SMPD3: variants seen among roughly 807,000 people sequenced by gnomAD.
The protein encoded by SMPD3 is sphingomyelin phosphodiesterase 3.
Under a neutral mutation model 55.7 loss-of-function variants are expected in SMPD3, and 21 were observed. That is an observed-to-expected ratio of 0.38 (90% confidence interval 0.27 to 0.54). The LOEUF is 0.54. SMPD3 is among the 20% of genes least tolerant of loss of function. The pLI, the probability that SMPD3 is intolerant of heterozygous loss-of-function variation, is 0.80. For missense variants in SMPD3, 842 were observed against 899.6 expected, an observed-to-expected ratio of 0.94 and a Z score of 0.82; for synonymous variants, 457 against 404.3, an observed-to-expected ratio of 1.13 and a Z score of -1.56.
At chr16:68,362,415 A>C (rs2089328624) in intron 7 of SMPD3, among the ~76,000 whole-genome samples, 1 of 152,148 alleles carries the variant, frequency 6.6e-6, no homozygotes. Flanking sequence ...GACATCTGGA[A>C]TCCCTTTCTG....
At chr16:68,435,314 A>T (rs931432030) in intron 1 of SMPD3, among the ~76,000 whole-genome samples, 5 of 152,154 alleles carry the variant, frequency 3.3e-5, no homozygotes, top group Non-Finnish European at 5.9e-5. Flanking sequence ...AAACTGTTTT[A>T]AAAAATCCTT....
intron 1 of SMPD3, among the ~76,000 whole-genome samples, chr16:68,397,579 C>G (rs536987557): frequency 1.3e-5 from 2 of 152,318 alleles, no homozygotes; most frequent in Admixed American, 1.3e-4. Context: ...GCTGAGAACT[C>G]TTTCATGGCC....
At position 68,371,480 on chromosome 16, in the gene SMPD3, G is replaced by A. The variant is rs1453882136; in HGVS notation, c.702C>T (p.Val234=). The A allele has an allele frequency of 7.5e-6, 12 of 1,598,352 alleles. No homozygotes were observed. Among genetic ancestry groups the A allele is most frequent in the Admixed American group, 1.7e-5 (1 of 59,722 alleles). ...AGGCATCCTCCGGGCTGCTGCTGTC[G>A]ACAGGGTCCCCAGAGGCTGGGCCGT... ...AANGPASGDP[V]DSSSPEDACI... The change falls in exon 3 of 9, where the codon GTC becomes GTT. Residue 234 remains valine, a synonymous_variant. Coordinates refer to ENST00000219334, the MANE Select transcript of SMPD3 (RefSeq NM_018667.4).
chr16:68,417,846 G>C (rs988257029), intron 1 of SMPD3, among the ~76,000 whole-genome samples: 12 of 152,300 alleles, frequency 7.9e-5, no homozygotes, highest in African/African-American at 2.6e-4. Context: ...TACAGCCATG[G>C]GGGTGTGGTG....
intron 1 of SMPD3, among the ~76,000 whole-genome samples, chr16:68,418,237 T>C (rs1159372577): frequency 2.0e-5 from 3 of 151,848 alleles, no homozygotes; most frequent in Admixed American, 6.6e-5. Context: ...CAGCAGAAGG[T>C]CCCGTGTAGA....
intron 1 of SMPD3, among the ~76,000 whole-genome samples, chr16:68,429,139 G>A (rs1192119339): frequency 6.6e-6 from 1 of 152,228 alleles, no homozygotes; most frequent in East Asian, 1.9e-4. Flanking sequence ...CCTGAGATGG[G>A]GTGCATGGAA....
Position 68,361,722 on chromosome 16 carries a change from C to A in SMPD3, c.1747G>T (p.Ala583Ser). Residue 583 changes from alanine (A) to serine (S), a missense_variant, in exon 8 of 9, where the codon GCG (alanine) becomes TCG (serine). Transcript: ENST00000219334. ...ESEEGRREYL[A>S]FPTSKSSGQK... ...CCCGAGCTCTTGCTGGTGGGAAACGCCAGGTACTCCCTGCGGCCCTCCTCA... is the reference window on the plus strand; with the variant it reads ...CCCGAGCTCTTGCTGGTGGGAAACGACAGGTACTCCCTGCGGCCCTCCTCA... 6.2e-7 allele frequency: 1 copy of A among 1,613,090 alleles called. No individual in the cohort carries two copies. Among genetic ancestry groups the A allele is most frequent in the Non-Finnish European group, 8.5e-7 (1 of 1,179,960 alleles).
intron 1 of SMPD3, among the ~76,000 whole-genome samples, chr16:68,412,248 C>T (rs561359127): frequency 2.8e-4 from 42 of 152,332 alleles, no homozygotes; most frequent in Non-Finnish European, 5.1e-4. Context: ...TCAAGGTACG[C>T]CCACAGCAGC....
chr16:68,358,746 A>T lies in SMPD3; in HGVS notation c.*2460T>A, dbSNP rs975770293. The T allele has an allele frequency of 2.0e-5, 3 of 152,456 alleles. No homozygotes were observed. Among genetic ancestry groups the T allele is most frequent in the African/African-American group, 7.2e-5 (3 of 41,440 alleles). 9.4% of individuals were successfully genotyped at this position (152,456 alleles called of 1,614,324 possible). On this transcript the variant is annotated 3_prime_UTR_variant, in exon 9 of 9. Coordinates refer to ENST00000219334, the MANE Select transcript of SMPD3 (RefSeq NM_018667.4). ...GAGACTGGGCCTAGGGCAGGAACAG[A>T]GTCTTGGTATGGGCCTCGGGTGACC...
At chr16:68,375,971 C>T (rs772815577) in intron 2 of SMPD3, among the ~76,000 whole-genome samples, 1 of 152,250 alleles carries the variant, frequency 6.6e-6, no homozygotes, top group Non-Finnish European at 1.5e-5. Context: ...GCCCCCTGCC[C>T]TGCTCCTGTG....
Position 68,371,981 on chromosome 16 carries a change from G to A in SMPD3, c.201C>T (p.Tyr67=), listed in dbSNP as rs1408096203. 6.2e-7 allele frequency: 1 copy of A among 1,612,314 alleles called. No individual in the cohort carries two copies. Among genetic ancestry groups the A allele is most frequent in the Admixed American group, 1.7e-5 (1 of 59,834 alleles). The change falls in exon 3 of 9, where the codon TAC becomes TAT. Residue 67 remains tyrosine (Y), a synonymous_variant. Transcript: ENST00000219334. ...LLCTALFTPI[Y]LALLVASLPF... ...GCAGCGAGGCCACCAGGAGGGCCAG[G>A]TAGATGGGCGTGAAGAGGGCAGTGC...
chr16:68,414,851 T>C (rs577269446), intron 1 of SMPD3, among the ~76,000 whole-genome samples: 1 of 152,278 alleles, frequency 6.6e-6, no homozygotes, highest in South Asian at 2.1e-4. Context: ...AGGGACATGG[T>C]GACAGAAGGC....
chr16:68,364,556 T>A, intron 5 of SMPD3, 195 bp downstream of exon 5: 1 of 652,126 alleles, frequency 1.5e-6, no homozygotes, highest in Non-Finnish European at 2.5e-6. Flanking sequence ...TGTCTCCAGC[T>A]TTCTAGGCAG....
At chr16:68,363,592 GC>G in intron 6 of SMPD3, 33 bp from the exon 7 acceptor site, 1 of 1,602,966 alleles carries the variant, frequency 6.2e-7, no homozygotes, top group Non-Finnish European at 8.5e-7. Context: ...AGTGGTCGCT[GC>G]AGGCAGGGCC....
chr16:68,378,046 C>T (rs2089863122), intron 2 of SMPD3, among the ~76,000 whole-genome samples: 1 of 152,222 alleles, frequency 6.6e-6, no homozygotes, highest in Admixed American at 6.5e-5. Context: ...GGCTCATGTG[C>T]TTGCTGACAC....
chr16:68,406,109 A>G (rs1445843465), intron 1 of SMPD3, among the ~76,000 whole-genome samples: 1 of 152,180 alleles, frequency 6.6e-6, no homozygotes, highest in Non-Finnish European at 1.5e-5. Flanking sequence ...CCAGTCTGCC[A>G]GTCTTTCCCG....
chr16:68,417,294 C>T (rs925387644), intron 1 of SMPD3, among the ~76,000 whole-genome samples: 2 of 152,168 alleles, frequency 1.3e-5, no homozygotes, highest in African/African-American at 4.8e-5. Flanking sequence ...CTGCCTTCTT[C>T]ACTTCCCTGA....
At chr16:68,417,338 C>A (rs183131218) in intron 1 of SMPD3, among the ~76,000 whole-genome samples, 1 of 152,104 alleles carries the variant, frequency 6.6e-6, no homozygotes, top group Non-Finnish European at 1.5e-5. Context: ...CTCAGGGAAC[C>A]CAGGCTATGA....
At chr16:68,375,666 C>G (rs1478778770) in intron 2 of SMPD3, among the ~76,000 whole-genome samples, 13 of 152,206 alleles carry the variant, frequency 8.5e-5, no homozygotes, top group Non-Finnish European at 1.8e-4. Context: ...CTTTCTCCTG[C>G]TGTGATCCCA....
Sources: gnomAD v4.1 joint callset for allele counts (sites outside exome capture counted in the v4.1 genomes callset) on GRCh38, gnomAD v4.1.1 for gene constraint, MANE v1.5 for transcripts, NCBI Gene and HGNC (gene_info 2026-07-23, HGNC 2026-07-21) for gene names.